The following HUNK variants were observed in gnomAD, a reference collection of about 807,000 sequenced individuals.
HUNK encodes the protein hormonally up-regulated neu tumor-associated kinase.
In HUNK, 21 loss-of-function variants were observed where a neutral mutation model predicts 61.0. The observed-to-expected ratio is 0.34, with a 90% CI of 0.24 to 0.50. The LOEUF (loss-of-function observed/expected upper bound fraction) is 0.50. Among genes scored for constraint, HUNK ranks in the 20% least tolerant of loss-of-function variants. The pLI is 0.98. For synonymous variants in HUNK, 371 were observed against 386.1 expected, an observed-to-expected ratio of 0.96 and a Z score of 0.46; for missense variants, 772 against 945.7, an observed-to-expected ratio of 0.82 and a Z score of 2.41.
Position 31,946,128 on chromosome 21 carries a change from C to T in HUNK, c.703C>T (p.Leu235Phe), listed in dbSNP as rs779688008. 6.2e-6 allele frequency: 10 copies of T among 1,613,134 alleles called. No homozygotes were observed. Among genetic ancestry groups the T allele is most frequent in the Non-Finnish European group, 8.5e-6 (10 of 1,179,172 alleles). ...GSPAYAAPEL[L>F]ARKKYGPKID... ...CCCTGCCTACGCTGCACCTGAACTG[C>T]TCGCCAGGAAGAAATACGGCCCCAA... is the stretch of plus-strand genomic sequence containing the variant. The change falls in exon 4 of 11, where the codon CTC (leucine) becomes TTC (phenylalanine). Residue 235 changes from leucine (L) to phenylalanine (F), a missense_variant. By Grantham distance (22) the Leu-to-Phe change is conservative (BLOSUM62 0). Transcript: ENST00000270112.
chr21:31,981,710 A>G (rs2053098643), intron 7 of HUNK, among the ~76,000 whole-genome samples: 1 of 152,170 alleles, frequency 6.6e-6, no homozygotes, highest in African/African-American at 2.4e-5. Context: ...TTGATTTTGC[A>G]TTCTGCAACT....
intron 1 of HUNK, among the ~76,000 whole-genome samples, chr21:31,919,030 G>A (rs1319011780): frequency 8.7e-6 from 1 of 114,370 alleles, no homozygotes; most frequent in Non-Finnish European, 1.8e-5. Context: ...TGGACTGAGC[G>A]GTATGAGGAG....
chr21:31,882,183 C>A (rs1326860060), intron 1 of HUNK, among the ~76,000 whole-genome samples: 2 of 152,146 alleles, frequency 1.3e-5, no homozygotes, highest in South Asian at 2.1e-4. Flanking sequence ...AAAAACTACT[C>A]AGGGTAGAGC....
At chr21:31,928,242 G>C (rs1209118606) in intron 2 of HUNK, among the ~76,000 whole-genome samples, 9 of 152,242 alleles carry the variant, frequency 5.9e-5, no homozygotes, top group African/African-American at 2.2e-4. Flanking sequence ...TTTTTTCCAA[G>C]GGTTTTGTGC....
chr21:31,909,068 G>A (rs1345631513), intron 1 of HUNK, among the ~76,000 whole-genome samples: 1 of 152,150 alleles, frequency 6.6e-6, no homozygotes, highest in Admixed American at 6.5e-5. Context: ...CGAGTTTTGT[G>A]CACTGTAAGT....
At chr21:31,979,105 T>C (rs930089801) in intron 7 of HUNK, among the ~76,000 whole-genome samples, 7 of 77,194 alleles carry the variant, frequency 9.1e-5, no homozygotes, top group Admixed American at 7.0e-4. Flanking sequence ...CTATTGGCCA[T>C]TTCTTTTTTT....
chr21:31,920,885 C>T (rs576211833), intron 1 of HUNK, among the ~76,000 whole-genome samples: 1 of 152,142 alleles, frequency 6.6e-6, no homozygotes. Context: ...GGCACGGTGG[C>T]TCATTCCTAT....
intron 5 of HUNK, among the ~76,000 whole-genome samples, chr21:31,963,641 C>A (rs368290362): frequency 6.7e-6 from 1 of 150,244 alleles, no homozygotes; most frequent in Non-Finnish European, 1.5e-5. Context: ...GGACTGCAGG[C>A]GCATGCCACC....
intron 4 of HUNK, among the ~76,000 whole-genome samples, chr21:31,956,629 C>T (rs952433573): frequency 1.3e-5 from 2 of 152,190 alleles, no homozygotes; most frequent in African/African-American, 4.8e-5. Flanking sequence ...TCTGTTACCA[C>T]CATTGGTCCT....
At chr21:31,923,757 T>C (rs2052640746) in intron 1 of HUNK, among the ~76,000 whole-genome samples, 1 of 152,124 alleles carries the variant, frequency 6.6e-6, no homozygotes, top group Admixed American at 6.5e-5. Flanking sequence ...GTACCTCTTA[T>C]GACAAGTTGA....
intron 1 of HUNK, among the ~76,000 whole-genome samples, chr21:31,904,381 A>G (rs982841818): frequency 2.0e-5 from 3 of 152,164 alleles, no homozygotes; most frequent in Non-Finnish European, 2.9e-5. Flanking sequence ...TGAAAATCCA[A>G]GGTGACTAAT....
At chr21:31,914,787 G>A (rs1233016603) in intron 1 of HUNK, among the ~76,000 whole-genome samples, 3 of 152,056 alleles carry the variant, frequency 2.0e-5, no homozygotes, top group African/African-American at 4.8e-5. Context: ...TAAGGACATC[G>A]GTCCTACTGG....
At chr21:31,875,553 T>TA (rs1939870230) in intron 1 of HUNK, among the ~76,000 whole-genome samples, 1 of 152,166 alleles carries the variant, frequency 6.6e-6, no homozygotes, top group African/African-American at 2.4e-5. Flanking sequence ...GAGGCACACT[T>TA]ACACTCCTCG....
At chr21:31,897,558 T>A (rs1401417875) in intron 1 of HUNK, among the ~76,000 whole-genome samples, 1 of 152,230 alleles carries the variant, frequency 6.6e-6, no homozygotes, top group East Asian at 1.9e-4. Flanking sequence ...AATGACCTCA[T>A]CTTAACTGGA....
At chr21:31,968,761 AGAGAGT>A (rs1568937467) in intron 6 of HUNK, among the ~76,000 whole-genome samples, 2 of 142,958 alleles carry the variant, frequency 1.4e-5, no homozygotes, top group Non-Finnish European at 3.0e-5. Context: ...TGTGAGAGAG[AGAGAGT>A]GAGTGTCTAT....
intron 4 of HUNK, among the ~76,000 whole-genome samples, chr21:31,958,056 C>A (rs2052901383): frequency 6.6e-6 from 1 of 152,144 alleles, no homozygotes; most frequent in Non-Finnish European, 1.5e-5. Flanking sequence ...CCTTGGAAAA[C>A]CACATAATGG....
chr21:31,875,081 C>T (rs756623113), intron 1 of HUNK, among the ~76,000 whole-genome samples: 3 of 152,140 alleles, frequency 2.0e-5, no homozygotes, highest in Non-Finnish European at 4.4e-5. Context: ...TTGTGTGGTC[C>T]GTGGGTCAGG....
At chr21:31,897,794 G>C (rs1282124316) in intron 1 of HUNK, among the ~76,000 whole-genome samples, 3 of 152,198 alleles carry the variant, frequency 2.0e-5, no homozygotes, top group Admixed American at 1.3e-4. Flanking sequence ...AGGGCTAAAA[G>C]GTAGACTGCC....
chr21:31,987,083 A>T (rs2053138732), intron 8 of HUNK, among the ~76,000 whole-genome samples: 1 of 152,200 alleles, frequency 6.6e-6, no homozygotes, highest in Non-Finnish European at 1.5e-5. Flanking sequence ...AAATGAAAAG[A>T]TCAAGTGGGC....
Sources: gnomAD v4.1 joint callset for allele counts (sites outside exome capture counted in the v4.1 genomes callset) on GRCh38, gnomAD v4.1.1 for gene constraint, MANE v1.5 for transcripts, NCBI Gene and HGNC (gene_info 2026-07-23, HGNC 2026-07-21) for gene names.